SNTG2: variants seen among roughly 807,000 people sequenced by gnomAD.
The protein encoded by SNTG2 is gamma-2-syntrophin.
A neutral mutation model predicts 70.9 loss-of-function variants in SNTG2; 74 were observed. The observed-to-expected ratio is 1.04, with a 90% confidence interval of 0.86 to 1.27. SNTG2 has a LOEUF of 1.27. SNTG2 is among the 50% of genes most tolerant of loss of function. The pLI is 0.00. For missense variants in SNTG2, 717 were observed against 690.7 expected, an observed-to-expected ratio of 1.04 and a Z score of -0.43; for synonymous variants, 278 against 273.8, an observed-to-expected ratio of 1.02 and a Z score of -0.15.
chr2:1,022,343 G>T (rs974563252), intron 1 of SNTG2, among the ~76,000 whole-genome samples: 2 of 151,640 alleles, frequency 1.3e-5, no homozygotes, highest in African/African-American at 4.8e-5. Context: ...CTGTGTTCCC[G>T]TGAGCCTGTG....
At position 1,083,644 on chromosome 2, in the gene SNTG2, C is replaced by T; in HGVS notation, c.199C>T (p.Gln67Ter). The T allele has an allele frequency of 2.5e-6, 4 of 1,613,652 alleles. No individual in the cohort carries two copies. The highest frequency in any genetic ancestry group is 3.4e-6 in the Non-Finnish European group (4 of 1,179,682). Residue 67 changes from glutamine to a stop codon, truncating the protein, a stop_gained, in exon 2 of 17, where the codon CAG (glutamine) becomes TAG (stop). Transcript: ENST00000308624. LOFTEE classifies it high-confidence loss of function. The part of the protein sequence containing the change: ...QDVVCVGGSH[Q>*]GRNRRTVTLR... ...TGTTGTCTGTGTGGGCGGAAGCCAC[C>T]AGGGCAGGAATGTAAGTGCCATCAC...
chr2:1,272,359 A>G (rs1194881502), intron 14 of SNTG2, among the ~76,000 whole-genome samples: 1 of 150,008 alleles, frequency 6.7e-6, no homozygotes, highest in Non-Finnish European at 1.5e-5. Context: ...TGAGAATCTA[A>G]TACTTCTGCT....
intron 1 of SNTG2, among the ~76,000 whole-genome samples, chr2:1,062,655 G>T (rs1223479693): frequency 6.6e-6 from 1 of 152,148 alleles, no homozygotes; most frequent in African/African-American, 2.4e-5. Flanking sequence ...CTCTTCTGTG[G>T]TACATAAAAT....
intron 4 of SNTG2, among the ~76,000 whole-genome samples, chr2:1,099,277 A>G (rs764516796): frequency 1.3e-5 from 2 of 152,010 alleles, no homozygotes; most frequent in Non-Finnish European, 2.9e-5. Flanking sequence ...CTGCAGGGGA[A>G]CAGGAAGCAA....
chr2:1,161,387 AGAGAG>A (rs1248186286), intron 6 of SNTG2: 9 of 152,194 alleles, frequency 5.9e-5, no homozygotes, highest in African/African-American at 1.2e-4. Flanking sequence ...AGAGATAGAG[AGAGAG>A]ACAGAAAAGG....
At chr2:1,106,619 A>G (rs4971445) in intron 4 of SNTG2, among the ~76,000 whole-genome samples, 23,152 of 101,756 alleles carry the variant, frequency 0.23, 16 homozygotes, top group East Asian at 0.36. Context: ...GGTGCAGGGT[A>G]TGGAGAGCTC....
intron 8 of SNTG2, among the ~76,000 whole-genome samples, chr2:1,177,869 A>G (rs1438665493): frequency 6.6e-6 from 1 of 152,166 alleles, no homozygotes; most frequent in Non-Finnish European, 1.5e-5. Flanking sequence ...TTTTATATTA[A>G]TTTGTCATAA....
chr2:1,323,822 G>A (rs1214340848), intron 16 of SNTG2, among the ~76,000 whole-genome samples: 1 of 144,450 alleles, frequency 6.9e-6, no homozygotes, highest in African/African-American at 2.6e-5. Context: ...TGGCTGAGAT[G>A]CCCCCCAGTA....
intron 12 of SNTG2, among the ~76,000 whole-genome samples, chr2:1,249,254 A>C (rs2148135723): frequency 6.6e-6 from 1 of 152,322 alleles, no homozygotes; most frequent in Non-Finnish European, 1.5e-5. Context: ...TTGTAATATA[A>C]ATCGATAACT....
intron 1 of SNTG2, among the ~76,000 whole-genome samples, chr2:1,021,019 C>G (rs11889287): frequency 1.9e-4 from 29 of 152,166 alleles, no homozygotes; most frequent in African/African-American, 6.8e-4. Flanking sequence ...TTTTCCTCAT[C>G]AACTATAGAG....
At chr2:1,115,471 A>T (rs1263498495) in intron 4 of SNTG2, among the ~76,000 whole-genome samples, 3 of 152,058 alleles carry the variant, frequency 2.0e-5, no homozygotes, top group Non-Finnish European at 4.4e-5. Context: ...TTTGAGGAGG[A>T]TCGTGTGTAC....
At chr2:1,222,328 T>G (rs752391768) in intron 9 of SNTG2, among the ~76,000 whole-genome samples, 9 of 152,284 alleles carry the variant, frequency 5.9e-5, no homozygotes, top group Non-Finnish European at 1.0e-4. Context: ...CTTTTCTTCG[T>G]ATCCAAGCAA....
chr2:1,360,318 C>G (rs1299289472), intron 16 of SNTG2, among the ~76,000 whole-genome samples: 2 of 152,086 alleles, frequency 1.3e-5, no homozygotes, highest in Admixed American at 6.5e-5. Flanking sequence ...CCAGAAAGCT[C>G]CAGCCACCGC....
At chr2:1,271,024 G>A (rs979929260) in intron 14 of SNTG2, among the ~76,000 whole-genome samples, 10 of 152,050 alleles carry the variant, frequency 6.6e-5, no homozygotes, top group African/African-American at 2.2e-4. Flanking sequence ...ATGCACCTAT[G>A]TGAGGTCAGT....
At chr2:1,190,242 T>TA (rs1672496840) in intron 8 of SNTG2, among the ~76,000 whole-genome samples, 1 of 151,968 alleles carries the variant, frequency 6.6e-6, no homozygotes, top group South Asian at 2.1e-4. Context: ...GACCCTTATA[T>TA]AAAATGGTAT....
chr2:1,316,277 A>G lies in SNTG2; in HGVS notation c.1390A>G (p.Arg464Gly). The change falls in exon 16 of 17, where the codon AGA becomes GGA. Residue 464 changes from arginine (R) to glycine (G), a missense_variant. Arg to Gly is a moderately radical substitution (Grantham distance 125). Coordinates refer to ENST00000308624, the MANE Select transcript of SNTG2 (RefSeq NM_018968.4). The stretch of plus-strand genomic sequence containing the variant: ...TATTCCTTTACAGAATGTGCTCTGG[A>G]GATTTAAATTTTCCCAGCTTAAGGG... Reference protein sequence around the residue: ...FESKTKNVLWRFKFSQLKGSS... With the variant: ...FESKTKNVLWGFKFSQLKGSS... 6.5e-7 allele frequency: 1 copy of G among 1,531,634 alleles called. No individual in the cohort carries two copies. 94.9% of individuals were successfully genotyped at this position (1,531,634 alleles called of 1,614,324 possible).
intron 2 of SNTG2, among the ~76,000 whole-genome samples, chr2:1,089,487 T>C (rs751629051): frequency 3.2e-4 from 49 of 152,218 alleles, no homozygotes; most frequent in Admixed American, 5.2e-4. Flanking sequence ...ATACAAAAAT[T>C]AGTCGGGTGT....
intron 6 of SNTG2, among the ~76,000 whole-genome samples, chr2:1,164,597 A>G (rs868421954): frequency 0.031 from 1,047 of 33,744 alleles, 1 homozygote; most frequent in Middle Eastern, 0.071. Flanking sequence ...ATGAAGTGAG[A>G]TAGGAACCTG....
At chr2:1,213,131 A>C (rs1314524740) in intron 9 of SNTG2, among the ~76,000 whole-genome samples, 2 of 152,210 alleles carry the variant, frequency 1.3e-5, no homozygotes, top group Non-Finnish European at 2.9e-5. Context: ...TTAATGTACA[A>C]TGTTATGTTT....
Sources: allele counts gnomAD v4.1 joint callset (sites outside exome capture counted in the v4.1 genomes callset), GRCh38; gene constraint gnomAD v4.1.1; transcripts MANE v1.5; gene names NCBI Gene and HGNC (gene_info 2026-07-23, HGNC 2026-07-21).